Variants in TRMT9B observed in about 807,000 individuals in gnomAD.
The protein encoded by TRMT9B is tRNA methyltransferase 9B (putative).
Under a neutral mutation model 11.5 loss-of-function variants are expected in TRMT9B, and 16 were observed. The observed-to-expected ratio is 1.39, with a 90% confidence interval of 0.94 to 2.11. TRMT9B has a LOEUF of 2.11. TRMT9B is among the 30% of genes most tolerant of loss of function. TRMT9B has a pLI of 0.00. For synonymous variants in TRMT9B, 274 were observed against 192.4 expected (o/e 1.42, Z -3.51); for missense variants, 941 against 553.8 (o/e 1.70, Z -7.02).
chr8:12,948,264 A>G (rs1413204165), intron 1 of TRMT9B, among the ~76,000 whole-genome samples: 2 of 151,990 alleles, frequency 1.3e-5, no homozygotes, highest in Admixed American at 1.3e-4. Context: ...ATCTCATGTA[A>G]TTTATTGAAT....
intron 1 of TRMT9B, among the ~76,000 whole-genome samples, chr8:12,989,078 A>AT (rs113108852): frequency 9.9e-5 from 15 of 150,952 alleles, no homozygotes; most frequent in South Asian, 2.1e-4. Flanking sequence ...TAATACAGAA[A>AT]TTTTTTTTTT....
chr8:12,974,264 G>C (rs1420545181), intron 1 of TRMT9B, among the ~76,000 whole-genome samples: 1 of 151,982 alleles, frequency 6.6e-6, no homozygotes, highest in Non-Finnish European at 1.5e-5. Context: ...TAACTACTGA[G>C]TTGGGAGTGA....
intron 1 of TRMT9B, among the ~76,000 whole-genome samples, chr8:12,954,647 T>C (rs1050903570): frequency 1.3e-5 from 2 of 152,218 alleles, no homozygotes; most frequent in Non-Finnish European, 2.9e-5. Flanking sequence ...AGCATTAAGA[T>C]AACTGGAGAA....
intron 1 of TRMT9B, among the ~76,000 whole-genome samples, chr8:12,975,625 C>T (rs1005608055): frequency 1.3e-5 from 2 of 152,060 alleles, no homozygotes; most frequent in South Asian, 4.2e-4. Flanking sequence ...GTAATCCCAG[C>T]TACTTTGGAA....
chr8:12,946,975 CT>C (rs151008420), intron 1 of TRMT9B, among the ~76,000 whole-genome samples: 2,764 of 152,276 alleles, frequency 0.018, 100 homozygotes, highest in East Asian at 0.11. Context: ...AGCAAAATGG[CT>C]GAAGAACTGA....
intron 2 of TRMT9B, among the ~76,000 whole-genome samples, chr8:13,003,035 G>A (rs1055463549): frequency 6.6e-6 from 1 of 152,096 alleles, no homozygotes; most frequent in Admixed American, 6.5e-5. Flanking sequence ...GTATTTATTT[G>A]ATCATTTGCT....
In TRMT9B at chr8:13,021,278, CTGTT is replaced by C; in HGVS notation, c.605_608del (p.Cys202LeufsTer41). On this transcript the variant is annotated frameshift_variant, in exon 5 of 5. Transcript: ENST00000524591. LOFTEE classifies it low-confidence loss of function (END_TRUNC). ...CCTCCTTGCTCTGAGTGTAGCTGTT[CTGTT>C]TGTTTTAAAGAGCAGTGTGGTTCAA... 3 of 1,613,920 alleles carry C rather than the reference CTGTT, an allele frequency of 1.9e-6. No individual in the cohort carries two copies. In the South Asian group the frequency reaches 3.3e-5, roughly 18 times the overall value.
chr8:13,006,130 C>T, intron 2 of TRMT9B, 72 bp from the exon 3 acceptor site: 1 of 1,453,292 alleles, frequency 6.9e-7, no homozygotes, highest in Non-Finnish European at 9.4e-7. Flanking sequence ...TTTAGGAAAT[C>T]TGCATCCTCC....
At position 13,024,107 on chromosome 8, in the gene TRMT9B, G is replaced by A. The variant is rs1213393933; in HGVS notation, c.*2063G>A. On this transcript the variant is annotated 3_prime_UTR_variant, in exon 5 of 5. Coordinates refer to ENST00000524591, the MANE Select transcript of TRMT9B (RefSeq NM_020844.3). ...CGCCCAGGCTGGAGTGCACTGGCGC[G>A]ATCTCGGCTCACTGTAAGCTCCGCC... The A allele has an allele frequency of 6.8e-6, 1 of 147,304 alleles. No homozygotes were observed. Among genetic ancestry groups the A allele is most frequent in the Non-Finnish European group, 1.5e-5 (1 of 66,882 alleles). 9.1% of individuals were successfully genotyped at this position (147,304 alleles called of 1,614,324 possible).
chr8:13,014,969 G>A (rs926817771), intron 4 of TRMT9B, among the ~76,000 whole-genome samples: 1 of 151,844 alleles, frequency 6.6e-6, no homozygotes, highest in Admixed American at 6.6e-5. Flanking sequence ...CTGAGGCAGG[G>A]AATTGCTTGA....
At chr8:12,954,518 T>C (rs1016874150) in intron 1 of TRMT9B, among the ~76,000 whole-genome samples, 4 of 152,266 alleles carry the variant, frequency 2.6e-5, no homozygotes, top group African/African-American at 4.8e-5. Flanking sequence ...AAAGCTCTCA[T>C]TGCGATTAAG....
At chr8:12,999,076 G>A (rs967618668) in intron 2 of TRMT9B, among the ~76,000 whole-genome samples, 1 of 152,038 alleles carries the variant, frequency 6.6e-6, no homozygotes, top group Non-Finnish European at 1.5e-5. Flanking sequence ...CAAGGCAGGT[G>A]GATCATGAGG....
intron 1 of TRMT9B, among the ~76,000 whole-genome samples, chr8:12,948,564 ATATAT>A (rs1481596065): frequency 6.7e-6 from 1 of 148,386 alleles, no homozygotes; most frequent in East Asian, 1.9e-4. Context: ...TGAATATATA[ATATAT>A]AAGTATATAA....
chr8:12,983,200 G>T (rs984989535), intron 1 of TRMT9B, among the ~76,000 whole-genome samples: 2 of 152,212 alleles, frequency 1.3e-5, no homozygotes, highest in Non-Finnish European at 2.9e-5. Flanking sequence ...CAACACTGCA[G>T]AAAAAGTGCC....
In TRMT9B at chr8:12,953,453, G is replaced by T. The variant is rs149526605; in HGVS notation, c.-200+7487G>T. Among the ~76,000 whole-genome samples, 808 of 152,178 alleles carry T rather than the reference G, an allele frequency of 5.3e-3. 4 individuals are homozygous for T. Among genetic ancestry groups the T allele is most frequent in the African/African-American group, 0.018 (767 of 41,520 alleles). On this transcript the variant is annotated intron_variant, in intron 1 of 4. Coordinates refer to ENST00000524591, the MANE Select transcript of TRMT9B (RefSeq NM_020844.3). ...CAACTTCCGTCTCCCGAGTTCAACC[G>T]ATTCTCCTGCCTCAGCCTCCCCAGT...
intron 3 of TRMT9B, among the ~76,000 whole-genome samples, chr8:13,009,896 G>T (rs1289346343): frequency 1.3e-5 from 2 of 152,038 alleles, no homozygotes; most frequent in Admixed American, 6.6e-5. Context: ...TGGGAGGTGT[G>T]GCGGGCAGAT....
intron 4 of TRMT9B, 27 bp downstream of exon 4, chr8:13,012,884 C>T (rs760089098): frequency 1.1e-5 from 18 of 1,608,690 alleles, no homozygotes; most frequent in Non-Finnish European, 1.0e-5. Context: ...ACACATTCAC[C>T]CTTTGCCATG....
At chr8:13,005,910 T>C (rs1008830886) in intron 2 of TRMT9B, among the ~76,000 whole-genome samples, 17 of 152,244 alleles carry the variant, frequency 1.1e-4, no homozygotes, top group Non-Finnish European at 1.5e-5. Flanking sequence ...ATTTTGGCTA[T>C]GCTTCCAAAA....
At chr8:13,001,217 C>T (rs946893400) in intron 2 of TRMT9B, among the ~76,000 whole-genome samples, 4 of 152,202 alleles carry the variant, frequency 2.6e-5, no homozygotes, top group African/African-American at 9.7e-5. Context: ...CACTTGTGGT[C>T]ATCTGACTAT....
Sources: allele counts gnomAD v4.1 joint callset (sites outside exome capture counted in the v4.1 genomes callset), GRCh38; gene constraint gnomAD v4.1.1; transcripts MANE v1.5; gene names NCBI Gene and HGNC (gene_info 2026-07-23, HGNC 2026-07-21).